CAMKMT: variants seen among roughly 807,000 people sequenced by gnomAD.
CAMKMT encodes the protein calmodulin-lysine N-methyltransferase.
In CAMKMT, 53 loss-of-function variants were observed where a neutral mutation model predicts 48.0. The ratio of observed to expected loss-of-function variants is 1.10; its 90% CI spans 0.89 to 1.39. The LOEUF (loss-of-function observed/expected upper bound fraction) is 1.39. Among genes scored for constraint, CAMKMT ranks in the 40% most tolerant of loss-of-function variants. The pLI is 0.00. For missense variants in CAMKMT, 428 were observed against 402.7 expected, an observed-to-expected ratio of 1.06 and a Z score of -0.54; for synonymous variants, 165 against 152.3, an observed-to-expected ratio of 1.08 and a Z score of -0.61.
intron 3 of CAMKMT, among the ~76,000 whole-genome samples, chr2:44,440,494 C>CT (rs11395967): frequency 0.13 from 20,243 of 152,108 alleles, 2,195 homozygotes; most frequent in African/African-American, 0.3. Flanking sequence ...TACACAAACA[C>CT]TTTAAGTCTT....
At chr2:44,614,096 T>G (rs1352948540) in intron 3 of CAMKMT, among the ~76,000 whole-genome samples, 1 of 152,232 alleles carries the variant, frequency 6.6e-6, no homozygotes, top group Non-Finnish European at 1.5e-5. Flanking sequence ...ATTTCTCCTT[T>G]TCAATTAAAA....
chr2:44,596,986 A>G (rs1489707266), intron 3 of CAMKMT, among the ~76,000 whole-genome samples: 1 of 152,244 alleles, frequency 6.6e-6, no homozygotes, highest in Non-Finnish European at 1.5e-5. Flanking sequence ...ATTAGATCTT[A>G]GCTGTTAAAT....
chr2:44,551,940 A>G (rs998863207), intron 3 of CAMKMT, among the ~76,000 whole-genome samples: 4 of 152,166 alleles, frequency 2.6e-5, no homozygotes, highest in Non-Finnish European at 5.9e-5. Flanking sequence ...AGTTTAGCTT[A>G]CTCAGGGCGA....
chr2:44,642,708 G>C (rs994706732), intron 3 of CAMKMT, among the ~76,000 whole-genome samples: 10 of 152,078 alleles, frequency 6.6e-5, no homozygotes, highest in Admixed American at 6.5e-5. Context: ...AAACTACTCT[G>C]GGGGAGAGAA....
chr2:44,549,274 C>G (rs140148553), intron 3 of CAMKMT, among the ~76,000 whole-genome samples: 3 of 152,292 alleles, frequency 2.0e-5, no homozygotes, highest in African/African-American at 7.2e-5. Flanking sequence ...TTTGGGCTCT[C>G]TTTGGTGACT....
At chr2:44,768,362 T>TATATATATATA (rs1491157479) in intron 10 of CAMKMT, among the ~76,000 whole-genome samples, 437 of 74,126 alleles carry the variant, frequency 5.9e-3, no homozygotes, top group Non-Finnish European at 8.1e-3. Context: ...TATATATATA[T>TATATATATATA]TTTTTTTTTT....
intron 3 of CAMKMT, among the ~76,000 whole-genome samples, chr2:44,595,352 C>T (rs1304561452): frequency 4.6e-5 from 7 of 152,134 alleles, no homozygotes; most frequent in South Asian, 2.1e-4. Context: ...GTGATCTGCC[C>T]GCCTCAGCGT....
chr2:44,455,085 A>G (rs758677830), intron 3 of CAMKMT, among the ~76,000 whole-genome samples: 1 of 152,184 alleles, frequency 6.6e-6, no homozygotes, highest in Admixed American at 6.5e-5. Context: ...AGCACTTGAA[A>G]GGTATTTTAA....
intron 3 of CAMKMT, among the ~76,000 whole-genome samples, chr2:44,559,594 C>T (rs1412399333): frequency 6.6e-6 from 1 of 152,074 alleles, no homozygotes. Context: ...CTCTTCTCTA[C>T]CAAATCTGTT....
intron 6 of CAMKMT, among the ~76,000 whole-genome samples, chr2:44,711,874 G>A (rs1297167190): frequency 6.6e-6 from 1 of 152,130 alleles, no homozygotes; most frequent in Non-Finnish European, 1.5e-5. Flanking sequence ...AGGACACGCA[G>A]CCCCCAAATA....
intron 3 of CAMKMT, among the ~76,000 whole-genome samples, chr2:44,590,596 A>G (rs996389919): frequency 6.6e-6 from 1 of 151,832 alleles, no homozygotes; most frequent in Non-Finnish European, 1.5e-5. Flanking sequence ...CCACTTTTTG[A>G]TGGGGTTGTT....
chr2:44,394,856 A>T (rs943274889), intron 3 of CAMKMT: 10 of 454,022 alleles, frequency 2.2e-5, no homozygotes, highest in Non-Finnish European at 4.4e-5. Flanking sequence ...TATTATTGAA[A>T]GCAAGACTCA....
At chr2:44,611,066 G>C (rs1169139949) in intron 3 of CAMKMT, among the ~76,000 whole-genome samples, 1 of 152,276 alleles carries the variant, frequency 6.6e-6, no homozygotes, top group East Asian at 1.9e-4. Context: ...GATAGTATCT[G>C]AGATTGGGTT....
chr2:44,659,082 T>G (rs1314772207), intron 3 of CAMKMT, among the ~76,000 whole-genome samples: 1 of 140,234 alleles, frequency 7.1e-6, no homozygotes, highest in Non-Finnish European at 1.5e-5. Flanking sequence ...GTAGTTTTTT[T>G]TTTTTTTTTT....
At chr2:44,549,092 A>T (rs1667561396) in intron 3 of CAMKMT, among the ~76,000 whole-genome samples, 1 of 152,084 alleles carries the variant, frequency 6.6e-6, no homozygotes, top group Non-Finnish European at 1.5e-5. Context: ...TGGAAACATG[A>T]TCCCCTTTTT....
At chr2:44,511,647 A>G (rs1207824152) in intron 3 of CAMKMT, among the ~76,000 whole-genome samples, 1 of 152,168 alleles carries the variant, frequency 6.6e-6, no homozygotes, top group Non-Finnish European at 1.5e-5. Context: ...TAATCGTTAC[A>G]TTGGACTTTT....
chr2:44,515,576 C>T (rs1484613054), intron 3 of CAMKMT, among the ~76,000 whole-genome samples: 4 of 152,082 alleles, frequency 2.6e-5, no homozygotes, highest in Non-Finnish European at 5.9e-5. Flanking sequence ...AAGATATGAC[C>T]TTGAAAAATG....
Position 44,557,944 on chromosome 2 carries a change from A to T in CAMKMT, c.377-146339A>T, listed in dbSNP as rs150980840. 2.2e-4 allele frequency among the ~76,000 whole-genome samples: 34 copies of T among 152,224 alleles called. No homozygotes were observed. In the East Asian group the frequency reaches 6.0e-3, roughly 27 times the overall value. ...TCAGTTTAAAATATCTGTTATCAGG[A>T]CCCTGATTGGCATTAAAGGAAAACT... is the stretch of plus-strand genomic sequence containing the variant. On this transcript the variant is annotated intron_variant, in intron 3 of 10. Transcript: ENST00000378494.
intron 3 of CAMKMT, among the ~76,000 whole-genome samples, chr2:44,621,721 G>C (rs780552353): frequency 2.3e-4 from 35 of 152,324 alleles, no homozygotes; most frequent in Non-Finnish European, 4.4e-5. Context: ...AGTAACGTGT[G>C]TGGATTATAT....
Sources: allele counts gnomAD v4.1 joint callset (sites outside exome capture counted in the v4.1 genomes callset), GRCh38; gene constraint gnomAD v4.1.1; transcripts MANE v1.5; gene names NCBI Gene and HGNC (gene_info 2026-07-23, HGNC 2026-07-21).